The following XAB2 variants were observed in gnomAD, a reference collection of about 807,000 sequenced individuals.
The protein encoded by XAB2 is XPA binding protein 2, also known as pre-mRNA-splicing factor SYF1.
XAB2 carries 57 observed loss-of-function variants against 113.4 expected under a neutral mutation model. The ratio of observed to expected loss-of-function variants is 0.50; its 90% CI spans 0.41 to 0.63. The LOEUF is 0.63. Ranked by LOEUF, XAB2 falls within the 20% of genes least tolerant of loss-of-function variation. XAB2 has a pLI of 0.00. For missense variants in XAB2, 1,037 were observed against 1,233.3 expected (o/e 0.84, Z 2.38); for synonymous variants, 497 against 498.8 (o/e 1.00, Z 0.05).
rs370791517 is a variant in XAB2, at chr19:7,627,336, C to A, written c.429G>T (p.Thr143=). 4.3e-6 allele frequency: 7 copies of A among 1,613,568 alleles called. No homozygotes were observed. The Admixed American group carries it at 5.0e-5, about 12-fold the overall frequency. Residue 143 remains threonine (T), a synonymous_variant, in exon 4 of 19, where the codon ACG becomes ACT. Coordinates refer to ENST00000358368, the MANE Select transcript of XAB2 (RefSeq NM_020196.3). This position sits in a 1 kb window ranked among gnomAD's most constrained non-coding sequence, Gnocchi z 4.5. ...FDRALRALPI[T]QHSRIWPLYL... ...ACAGGGGCCAAATTCGAGAGTGCTG[C>A]GTGATGGGCAGTGCCCGGAGGGCAC...
rs371094886 is a variant in XAB2 at position 7,622,583 on chromosome 19, G to A, written c.1450C>T (p.Leu484=). The change falls in exon 11 of 19, where the codon CTG becomes TTG. Residue 484 remains leucine (L), a synonymous_variant. Coordinates refer to ENST00000358368, the MANE Select transcript of XAB2 (RefSeq NM_020196.3). ...TCGGCGAGCATGGACCAGACCTTCAGTGACTTGTACACGCGGTTCTGCACG... is the reference window on the plus strand; with the variant it reads ...TCGGCGAGCATGGACCAGACCTTCAATGACTTGTACACGCGGTTCTGCACG... The part of the protein sequence containing the change: ...EPVQNRVYKS[L]KVWSMLADLE... The A allele has an allele frequency of 1.5e-4, 239 of 1,613,308 alleles. No individual in the cohort carries two copies. Among genetic ancestry groups the A allele is most frequent in the Non-Finnish European group, 1.9e-4 (229 of 1,180,046 alleles).
chr19:7,620,267 C>T lies in XAB2; in HGVS notation c.2266+8G>A, dbSNP rs200175482. 3.4e-5 allele frequency: 55 copies of T among 1,612,790 alleles called. No individual in the cohort carries two copies. Among genetic ancestry groups the T allele is most frequent in the African/African-American group, 9.3e-5 (7 of 75,030 alleles). ...GGATCAGGAACTCAGCCAGCTGGGACGGCTCACCGGTGCCCGTGGCACTGC... is the reference window on the plus strand; with the variant it reads ...GGATCAGGAACTCAGCCAGCTGGGATGGCTCACCGGTGCCCGTGGCACTGC... On this transcript the variant is annotated splice_region_variant and intron_variant, in intron 16 of 18. Coordinates refer to ENST00000358368, the MANE Select transcript of XAB2 (RefSeq NM_020196.3).
rs1465028708 is a variant in XAB2, at chr19:7,624,613, A to T, written c.823-168T>A. Among the ~76,000 whole-genome samples the T allele has an allele frequency of 6.6e-6, 1 of 151,108 alleles. No individual in the cohort carries two copies. The highest frequency in any genetic ancestry group is 2.4e-5 in the African/African-American group (1 of 40,996). On this transcript the variant is annotated intron_variant, in intron 6 of 18. Transcript: ENST00000358368. The surrounding 1 kb of genome is among the most constrained non-coding windows in gnomAD (Gnocchi z 4.2). ...GACAGAGCCTCCGTGGAGCCTTCTC[A>T]CCCCCGCCCTGCCCTGCACTGCCAG...
Position 7,620,940 on chromosome 19 carries a change from G to C in XAB2, c.1877C>G (p.Ala626Gly). Residue 626 changes from alanine to glycine, a missense_variant, in exon 14 of 19, where the codon GCC (alanine) becomes GGC (glycine). By Grantham distance (60) the Ala-to-Gly change is moderately conservative. Coordinates refer to ENST00000358368, the MANE Select transcript of XAB2 (RefSeq NM_020196.3). ...YERATRAVEP[A>G]QQYDMFNIYI... ...GATGTTGAACATGTCATACTGCTGG[G>C]CGGGCTCCACGGCCCTGGTGGCACG... 1.3e-6 allele frequency: 2 copies of C among 1,592,786 alleles called. No homozygotes were observed. Among genetic ancestry groups the C allele is most frequent in the Non-Finnish European group, 1.7e-6 (2 of 1,171,636 alleles).
Position 7,624,770 on chromosome 19 carries a change from C to T in XAB2, c.823-325G>A, listed in dbSNP as rs2031104746. 6.6e-6 allele frequency among the ~76,000 whole-genome samples: 1 copy of T among 152,288 alleles called. No individual in the cohort carries two copies. Among genetic ancestry groups the T allele is most frequent in the Non-Finnish European group, 1.5e-5 (1 of 68,012 alleles). On this transcript the variant is annotated intron_variant, in intron 6 of 18. Coordinates refer to ENST00000358368, the MANE Select transcript of XAB2 (RefSeq NM_020196.3). The surrounding 1 kb of genome is among the most constrained non-coding windows in gnomAD (Gnocchi z 4.2). ...CAATAGGTGGCCAAAAACCCCCCAGCGCCTATGGGTCCACCCTGCAGGGAC... is the reference window on the plus strand; with the variant it reads ...CAATAGGTGGCCAAAAACCCCCCAGTGCCTATGGGTCCACCCTGCAGGGAC...
rs540047437 is a variant in XAB2 at position 7,624,603 on chromosome 19, G to A, written c.823-158C>T. Among the ~76,000 whole-genome samples the A allele has an allele frequency of 1.5e-4, 23 of 152,154 alleles. No individual in the cohort carries two copies. The highest frequency in any genetic ancestry group is 4.6e-4 in the Admixed American group (7 of 15,298). On this transcript the variant is annotated intron_variant, in intron 6 of 18. Coordinates refer to ENST00000358368, the MANE Select transcript of XAB2 (RefSeq NM_020196.3). The surrounding 1 kb of genome is among the most constrained non-coding windows in gnomAD (Gnocchi z 4.2). ...GTGACCCCAGGACAGAGCCTCCGTG[G>A]AGCCTTCTCACCCCCGCCCTGCCCT...
At position 7,623,205 on chromosome 19, in the gene XAB2, C is replaced by A. The variant is rs1268270317; in HGVS notation, c.1204G>T (p.Ala402Ser). ...GKPHTLWVAFAKFYEDNGQLD... is the reference protein window; with the variant it reads ...GKPHTLWVAFSKFYEDNGQLD... ...TGTCCGTTGTCCTCATAAAACTTGG[C>A]AAACGCCACCCACAGAGTGTGGGGC... Residue 402 changes from alanine (A) to serine (S), a missense_variant, in exon 9 of 19, where the codon GCC (alanine) becomes TCC (serine). Transcript: ENST00000358368. The surrounding 1 kb of genome is among the most constrained non-coding windows in gnomAD (Gnocchi z 4.6). 3 of 1,613,732 alleles carry A rather than the reference C, an allele frequency of 1.9e-6. No homozygotes were observed. In the East Asian group the frequency reaches 6.7e-5, roughly 36 times the overall value.
rs547164043 is a variant in XAB2, at chr19:7,620,834, C to G, written c.1971+12G>C. ...GACCTCTGGCCCCGGCCCAGCCCCC[C>G]ACGGTGGGTACCTCAATGGCCTTCT... On this transcript the variant is annotated intron_variant, in intron 14 of 18. Coordinates refer to ENST00000358368, the MANE Select transcript of XAB2 (RefSeq NM_020196.3). 11 of 1,571,894 alleles carry G rather than the reference C, an allele frequency of 7.0e-6. No individual in the cohort carries two copies. The highest frequency in any genetic ancestry group is 3.5e-5 in the Admixed American group (2 of 57,194).
At chr19:7,621,622 T>A (rs1397525059) in intron 12 of XAB2, 1 of 384,624 alleles carries the variant, frequency 2.6e-6, no homozygotes, top group Admixed American at 4.0e-5. Context: ...CCGCACCCCC[T>A]GACAGAGGGG....
Position 7,621,277 on chromosome 19 carries a change from C to A in XAB2, c.1638G>T (p.Ser546=), listed in dbSNP as rs752103964. 6.2e-7 allele frequency: 1 copy of A among 1,612,818 alleles called. No individual in the cohort carries two copies. Among genetic ancestry groups the A allele is most frequent in the Non-Finnish European group, 8.5e-7 (1 of 1,179,952 alleles). ...CGGACACGTTGGGCCACTTGAACAG[C>A]GAGATGCCGCGCTCGTACGCCTGTT... ...ESFKAYERGI[S]LFKWPNVSDI... is the part of the protein sequence containing the mutation. The change falls in exon 13 of 19, where the codon TCG becomes TCT. Residue 546 remains serine (S), a synonymous_variant. Coordinates refer to ENST00000358368, the MANE Select transcript of XAB2 (RefSeq NM_020196.3).
chr19:7,628,625 G>A lies in XAB2; in HGVS notation c.52-327C>T, dbSNP rs2031192836. ...ATGGTCAGACTCCTTAGATACCAAGGCCCTGGCCCAGATGCCAGTCCTGGA... is the reference window on the plus strand; with the variant it reads ...ATGGTCAGACTCCTTAGATACCAAGACCCTGGCCCAGATGCCAGTCCTGGA... On this transcript the variant is annotated intron_variant, in intron 1 of 18. Coordinates refer to ENST00000358368, the MANE Select transcript of XAB2 (RefSeq NM_020196.3). This position sits in a 1 kb window ranked among gnomAD's most constrained non-coding sequence, Gnocchi z 4.6. Among the ~76,000 whole-genome samples the A allele has an allele frequency of 6.6e-6, 1 of 150,548 alleles. No homozygotes were observed.
Position 7,623,271 on chromosome 19 carries a change from C to CTGTG in XAB2, c.1134_1137dup (p.Glu380HisfsTer28). On this transcript the variant is annotated frameshift_variant, in exon 9 of 19. Coordinates refer to ENST00000358368, the MANE Select transcript of XAB2 (RefSeq NM_020196.3). LOFTEE classifies it high-confidence loss of function. The surrounding 1 kb of genome is among the most constrained non-coding windows in gnomAD (Gnocchi z 4.6). ...AAGGGGTCCACCGTCTGCACAGCCT[C>CTGTG]TGTGTAGGTGTTGATGATCTGGGGA... 6.2e-7 allele frequency: 1 copy of CTGTG among 1,613,636 alleles called. No individual in the cohort carries two copies. Among genetic ancestry groups the CTGTG allele is most frequent in the East Asian group, 2.2e-5 (1 of 44,874 alleles).
Position 7,629,511 on chromosome 19 carries a change from C to T in XAB2, c.17G>A (p.Arg6Gln), listed in dbSNP as rs768686077. 1 of 1,605,096 alleles carries T rather than the reference C, an allele frequency of 6.2e-7. No homozygotes were observed. Among genetic ancestry groups the T allele is most frequent in the Non-Finnish European group, 8.5e-7 (1 of 1,176,070 alleles). The change falls in exon 1 of 19, where the codon CGA becomes CAA. Residue 6 changes from arginine (R) to glutamine (Q), a missense_variant. Coordinates refer to ENST00000358368, the MANE Select transcript of XAB2 (RefSeq NM_020196.3). ...GTCCGGCCGCTCGGGCCGCGAGAGT[C>T]GCGCCATCACCACCATTTTTCTGGA... MVVMA[R>Q]LSRPERPDLV...
At position 7,625,190 on chromosome 19, in the gene XAB2, C is replaced by T. The variant is rs967427186; in HGVS notation, c.822+690G>A. 1.3e-5 allele frequency among the ~76,000 whole-genome samples: 2 copies of T among 152,230 alleles called. No homozygotes were observed. Among genetic ancestry groups the T allele is most frequent in the Non-Finnish European group, 2.9e-5 (2 of 68,046 alleles). ...TTGCCACTCCACTGCCTGCCAAGAG[C>T]CACAGTCAGCTAACCCCTGAGGGAG... On this transcript the variant is annotated intron_variant, in intron 6 of 18. Transcript: ENST00000358368. The surrounding 1 kb of genome is among the most constrained non-coding windows in gnomAD (Gnocchi z 5.2).
In XAB2 at chr19:7,624,491, G is replaced by A. The variant is rs751897024; in HGVS notation, c.823-46C>T. ...GGAGGTGAGAGGAAAGTGGCGCAGGGGACAGGCAGCAGCACTCTTAGCACC... is the reference window on the plus strand; with the variant it reads ...GGAGGTGAGAGGAAAGTGGCGCAGGAGACAGGCAGCAGCACTCTTAGCACC... On this transcript the variant is annotated intron_variant, in intron 6 of 18. Transcript: ENST00000358368. This position sits in a 1 kb window ranked among gnomAD's most constrained non-coding sequence, Gnocchi z 4.2. The A allele has an allele frequency of 6.2e-7, 1 of 1,611,974 alleles. No homozygotes were observed. Among genetic ancestry groups the A allele is most frequent in the East Asian group, 2.2e-5 (1 of 44,870 alleles).
chr19:7,629,456 C>A (rs181540015), intron 1 of XAB2, 21 bp downstream of exon 1: 55 of 1,586,388 alleles, frequency 3.5e-5, no homozygotes, highest in Non-Finnish European at 4.6e-5. Flanking sequence ...CAGGCCACCC[C>A]CGGCTCCTCT....
chr19:7,621,471 C>T (rs947482763), intron 12 of XAB2, 174 bp from the exon 13 acceptor site: 3 of 675,406 alleles, frequency 4.4e-6, no homozygotes, highest in Non-Finnish European at 7.5e-6. Flanking sequence ...TCTGCACTGT[C>T]TCCCTCTGTG....
In XAB2 at chr19:7,624,519, C is replaced by G. The variant is rs1224843727; in HGVS notation, c.823-74G>C. On this transcript the variant is annotated intron_variant, in intron 6 of 18. Coordinates refer to ENST00000358368, the MANE Select transcript of XAB2 (RefSeq NM_020196.3). This position sits in a 1 kb window ranked among gnomAD's most constrained non-coding sequence, Gnocchi z 4.2. ...CAGGCAGCAGCACTCTTAGCACCAG[C>G]CTCAATGTGGAACCCCTGGGGGCCT... 2.5e-6 allele frequency: 4 copies of G among 1,602,528 alleles called. No homozygotes were observed. Among genetic ancestry groups the G allele is most frequent in the South Asian group, 2.2e-5 (2 of 90,702 alleles).
Position 7,626,000 on chromosome 19 carries a change from C to G in XAB2, c.702G>C (p.Lys234Asn). 5.6e-6 allele frequency: 9 copies of G among 1,612,900 alleles called. No homozygotes were observed. The highest frequency in any genetic ancestry group is 7.6e-6 in the Non-Finnish European group (9 of 1,179,146). The change falls in exon 6 of 19, where the codon AAG (lysine) becomes AAC (asparagine). Residue 234 changes from lysine (K) to asparagine (N), a missense_variant. Coordinates refer to ENST00000358368, the MANE Select transcript of XAB2 (RefSeq NM_020196.3). This position sits in a 1 kb window ranked among gnomAD's most constrained non-coding sequence, Gnocchi z 5.2. ...TGGCGTCCACATTGAGGGACTGTAC[C>G]TTGTCCGGATTCTGGGAGATGAGGT... ...LCDLISQNPD[K>N]VQSLNVDAII...
Sources: allele counts gnomAD v4.1 joint callset (sites outside exome capture counted in the v4.1 genomes callset), GRCh38; gene constraint gnomAD v4.1.1; non-coding constraint Gnocchi (gnomAD v3.1); transcripts MANE v1.5; gene names NCBI Gene and HGNC (gene_info 2026-07-23, HGNC 2026-07-21).